CSMD1: variants seen among roughly 807,000 people sequenced by gnomAD.
CSMD1 encodes CUB and sushi domain-containing protein 1.
In CSMD1, 213 loss-of-function variants were observed where a neutral mutation model predicts 417.5. The ratio of observed to expected loss-of-function variants is 0.51; its 90% CI spans 0.46 to 0.57. The LOEUF is 0.57. Ranked by LOEUF, CSMD1 falls within the 20% of genes least tolerant of loss-of-function variation. The pLI, the probability that CSMD1 is intolerant of heterozygous loss-of-function variation, is 0.00. For synonymous variants in CSMD1, 2,862 were observed against 1,736.8 expected, an observed-to-expected ratio of 1.65 and a Z score of -16.11; for missense variants, 6,923 against 4,529.7, an observed-to-expected ratio of 1.53 and a Z score of -15.17.
At position 3,168,034 on chromosome 8, in the gene CSMD1, G is replaced by C. The variant is rs1422770056; in HGVS notation, c.5726-5757C>G. On this transcript the variant is annotated intron_variant, in intron 37 of 69. Coordinates refer to ENST00000635120, the MANE Select transcript of CSMD1 (RefSeq NM_033225.6). ...CTGTGCATGACTGGCAGAGTGTAAG[G>C]TTTTCAAACATCACAATTAGAAAAA... 4.7e-5 allele frequency among the ~76,000 whole-genome samples: 7 copies of C among 149,576 alleles called. No homozygotes were observed. The East Asian group carries it at 8.0e-4, about 17-fold the overall frequency.
chr8:3,975,613 TC>T (rs1382149946), intron 5 of CSMD1, among the ~76,000 whole-genome samples: 1 of 152,138 alleles, frequency 6.6e-6, no homozygotes, highest in Non-Finnish European at 1.5e-5. Context: ...GAAAAAGGGT[TC>T]CCATGACTAA....
At chr8:3,732,230 C>T (rs543702995) in intron 6 of CSMD1, among the ~76,000 whole-genome samples, 23 of 152,228 alleles carry the variant, frequency 1.5e-4, no homozygotes, top group East Asian at 7.7e-4. Flanking sequence ...CAGTTTCGCC[C>T]GAGGCCACCC....
At chr8:4,719,299 G>C (rs780078008) in intron 1 of CSMD1, among the ~76,000 whole-genome samples, 1 of 152,134 alleles carries the variant, frequency 6.6e-6, no homozygotes, top group Non-Finnish European at 1.5e-5. Context: ...AATAAATGAA[G>C]CCTAATAAGA....
intron 17 of CSMD1, among the ~76,000 whole-genome samples, chr8:3,390,124 G>A (rs969078226): frequency 2.6e-5 from 4 of 152,038 alleles, no homozygotes; most frequent in Non-Finnish European, 5.9e-5. Flanking sequence ...GGAGGCCGAG[G>A]TGGGTGGATC....
chr8:3,744,609 A>G (rs1420775295), intron 6 of CSMD1, among the ~76,000 whole-genome samples: 1 of 152,210 alleles, frequency 6.6e-6, no homozygotes, highest in African/African-American at 2.4e-5. Flanking sequence ...GGACAGCTTA[A>G]CATGTGCAGT....
chr8:3,675,847 T>A (rs998104931), intron 7 of CSMD1, among the ~76,000 whole-genome samples: 1 of 152,178 alleles, frequency 6.6e-6, no homozygotes, highest in African/African-American at 2.4e-5. Flanking sequence ...ATTTCCACCT[T>A]ATGCAAATTT....
intron 3 of CSMD1, among the ~76,000 whole-genome samples, chr8:4,175,853 C>T (rs908770813): frequency 6.6e-6 from 1 of 152,036 alleles, no homozygotes; most frequent in Admixed American, 6.6e-5. Context: ...AAAGAAATAA[C>T]CAAAATGTTA....
At chr8:3,450,412 T>C (rs1815622858) in intron 12 of CSMD1, among the ~76,000 whole-genome samples, 2 of 152,160 alleles carry the variant, frequency 1.3e-5, no homozygotes, top group African/African-American at 4.8e-5. Context: ...CTGCACCCAT[T>C]AACTCGTCAT....
chr8:3,921,029 G>C (rs779055742), intron 5 of CSMD1, among the ~76,000 whole-genome samples: 3 of 152,130 alleles, frequency 2.0e-5, no homozygotes, highest in Admixed American at 6.6e-5. Context: ...TTCCGAAAGA[G>C]TTTGAAAAGC....
At chr8:4,840,317 G>A (rs1241724053) in intron 1 of CSMD1, among the ~76,000 whole-genome samples, 1 of 152,128 alleles carries the variant, frequency 6.6e-6, no homozygotes, top group East Asian at 1.9e-4. Flanking sequence ...CTTCTATTCA[G>A]CACAGCTGTT....
chr8:4,650,683 T>G (rs1323889751), intron 1 of CSMD1, among the ~76,000 whole-genome samples: 6 of 152,060 alleles, frequency 3.9e-5, no homozygotes, highest in African/African-American at 1.4e-4. Context: ...CAGCTTGTAG[T>G]TGATTCTGTG....
chr8:3,731,707 G>C (rs368396169), intron 6 of CSMD1, among the ~76,000 whole-genome samples: 2 of 152,184 alleles, frequency 1.3e-5, no homozygotes, highest in Admixed American at 6.5e-5. Flanking sequence ...AAATGGGTCA[G>C]AGGCTTAGAG....
At chr8:4,660,114 C>CAAA (rs33982434) in intron 1 of CSMD1, among the ~76,000 whole-genome samples, 86 of 122,822 alleles carry the variant, frequency 7.0e-4, no homozygotes, top group Admixed American at 2.2e-3. Flanking sequence ...TCAACCAGTG[C>CAAA]AAAAAAAAAA....
intron 26 of CSMD1, among the ~76,000 whole-genome samples, chr8:3,273,939 C>G (rs527750383): frequency 6.6e-6 from 1 of 151,878 alleles, no homozygotes; most frequent in African/African-American, 2.4e-5. Context: ...CAGTTCTACT[C>G]TGATTTTAGT....
At chr8:3,466,016 T>C (rs1816773749) in intron 12 of CSMD1, among the ~76,000 whole-genome samples, 1 of 152,200 alleles carries the variant, frequency 6.6e-6, no homozygotes, top group Non-Finnish European at 1.5e-5. Flanking sequence ...TTACATGTCT[T>C]ACTGTGCACA....
chr8:4,325,978 C>G (rs1247994204), intron 3 of CSMD1, among the ~76,000 whole-genome samples: 3 of 152,132 alleles, frequency 2.0e-5, no homozygotes, highest in Non-Finnish European at 4.4e-5. Flanking sequence ...GCACAATTTC[C>G]TTCACCTGGG....
At chr8:3,409,748 T>G in intron 12 of CSMD1, 143 bp from the exon 13 acceptor site, 2 of 617,442 alleles carry the variant, frequency 3.2e-6, no homozygotes, top group Non-Finnish European at 5.5e-6. Flanking sequence ...GATATTCAAT[T>G]GATCTTAAAT....
intron 4 of CSMD1, among the ~76,000 whole-genome samples, chr8:4,006,016 C>G (rs1293496312): frequency 6.6e-6 from 1 of 151,996 alleles, no homozygotes; most frequent in Admixed American, 6.5e-5. Flanking sequence ...TCTGAAAACA[C>G]AATATTTAGG....
chr8:4,300,316 A>C (rs1797910997), intron 3 of CSMD1, among the ~76,000 whole-genome samples: 1 of 152,232 alleles, frequency 6.6e-6, no homozygotes, highest in African/African-American at 2.4e-5. Flanking sequence ...AGGGGACCTC[A>C]AAAAGTTTGT....
Sources: gnomAD v4.1 joint callset for allele counts (sites outside exome capture counted in the v4.1 genomes callset) on GRCh38, gnomAD v4.1.1 for gene constraint, MANE v1.5 for transcripts, NCBI Gene and HGNC (gene_info 2026-07-23, HGNC 2026-07-21) for gene names.